Variants in ARHGAP32 observed in about 807,000 individuals in gnomAD.
The protein encoded by ARHGAP32 is Rho GTPase activating protein 32, also known as rho GTPase-activating protein 32.
A neutral mutation model predicts 186.5 loss-of-function variants in ARHGAP32; 51 were observed. That is an observed-to-expected ratio of 0.27 (90% CI 0.22 to 0.35). The LOEUF (loss-of-function observed/expected upper bound fraction) is 0.35. ARHGAP32 is among the 10% of genes least tolerant of loss of function. ARHGAP32 has a pLI of 1.00. For synonymous variants in ARHGAP32, 950 were observed against 964.3 expected (o/e 0.99, Z 0.27); for missense variants, 2,186 against 2,623.5 (o/e 0.83, Z 3.64).
chr11:129,220,140 A>AGAT (rs1944693904), intron 1 of ARHGAP32, among the ~76,000 whole-genome samples: 1 of 152,182 alleles, frequency 6.6e-6, no homozygotes, highest in Non-Finnish European at 1.5e-5. Flanking sequence ...CTATATCTGA[A>AGAT]ACATTCTCCA....
chr11:129,271,235 T>C (rs1194225911), intron 1 of ARHGAP32, among the ~76,000 whole-genome samples: 2 of 152,140 alleles, frequency 1.3e-5, no homozygotes, highest in East Asian at 3.8e-4. Flanking sequence ...TGCTGGCAGT[T>C]TGCCAGACGA....
chr11:129,103,852 C>G (rs1037328178), intron 5 of ARHGAP32, among the ~76,000 whole-genome samples: 2 of 152,046 alleles, frequency 1.3e-5, no homozygotes, highest in Admixed American at 1.3e-4. Context: ...CTGAAAGAAT[C>G]TGTCTCCAGT....
intron 1 of ARHGAP32, among the ~76,000 whole-genome samples, chr11:129,268,372 GA>G (rs1945432816): frequency 6.6e-6 from 1 of 152,004 alleles, no homozygotes; most frequent in African/African-American, 2.4e-5. Context: ...CTAACAATAA[GA>G]ACTCTTTTTA....
At chr11:129,261,850 T>C (rs1285481505) in intron 1 of ARHGAP32, among the ~76,000 whole-genome samples, 1 of 152,154 alleles carries the variant, frequency 6.6e-6, no homozygotes, top group East Asian at 1.9e-4. Flanking sequence ...CATATTAGAA[T>C]CTTATTTGGC....
chr11:129,026,783 G>A (rs1250721307), intron 11 of ARHGAP32, among the ~76,000 whole-genome samples: 4 of 124,470 alleles, frequency 3.2e-5, no homozygotes, highest in African/African-American at 6.4e-5. Context: ...CTGGGCAACA[G>A]AGTGAGACTC....
In ARHGAP32 at chr11:128,965,844, A is replaced by G. The variant is rs1318367576; in HGVS notation, c.*3063T>C. 4 of 152,190 alleles carry G rather than the reference A, an allele frequency of 2.6e-5. No homozygotes were observed. The East Asian group carries it at 7.7e-4, about 29-fold the overall frequency. The allele number at this position is 152,190 out of a possible 1,614,324, so 9.4% of individuals were successfully genotyped here. A position where few individuals can be genotyped will look rare whatever the true frequency, so the allele number is the denominator to read the frequency against. Reference sequence around the variant, plus strand: ...TCGTTTGCATCTATTACTGCTCCAAATGTGGTAACCTACTCCTCCGTCCCC... The same window carrying G: ...TCGTTTGCATCTATTACTGCTCCAAGTGTGGTAACCTACTCCTCCGTCCCC... On this transcript the variant is annotated 3_prime_UTR_variant, in exon 23 of 23. Coordinates refer to ENST00000682385, the MANE Select transcript of ARHGAP32 (RefSeq NM_001378024.1).
At chr11:129,028,319 C>G (rs930963670) in intron 11 of ARHGAP32, among the ~76,000 whole-genome samples, 1 of 152,040 alleles carries the variant, frequency 6.6e-6, no homozygotes, top group African/African-American at 2.4e-5. Flanking sequence ...GTAAGTCAGT[C>G]ACAAGCGAGG....
At chr11:129,038,853 C>A (rs1354338576) in intron 11 of ARHGAP32, among the ~76,000 whole-genome samples, 1 of 134,504 alleles carries the variant, frequency 7.4e-6, no homozygotes, top group Non-Finnish European at 1.5e-5. Flanking sequence ...CAACACTGCA[C>A]TGCAGCCTGT....
At chr11:129,070,313 TCTCA>T (rs1050410373) in intron 6 of ARHGAP32, among the ~76,000 whole-genome samples, 2 of 152,078 alleles carry the variant, frequency 1.3e-5, no homozygotes, top group African/African-American at 2.4e-5. Flanking sequence ...TTGGTATTTT[TCTCA>T]CTGTTAAAGC....
chr11:129,220,065 T>G (rs763856184), intron 1 of ARHGAP32, among the ~76,000 whole-genome samples: 4 of 152,176 alleles, frequency 2.6e-5, no homozygotes, highest in Non-Finnish European at 4.4e-5. Context: ...CTATAGCACT[T>G]GCATAAATTA....
chr11:129,061,721 T>C (rs1235959555), intron 10 of ARHGAP32, among the ~76,000 whole-genome samples: 3 of 152,146 alleles, frequency 2.0e-5, no homozygotes, highest in Non-Finnish European at 2.9e-5. Context: ...AGTTTAAAAT[T>C]TATGAATTAT....
At chr11:129,061,209 T>C (rs1328305038) in intron 10 of ARHGAP32, among the ~76,000 whole-genome samples, 2 of 152,204 alleles carry the variant, frequency 1.3e-5, no homozygotes, top group Non-Finnish European at 2.9e-5. Flanking sequence ...CTTGTATAAG[T>C]AGACCACAAA....
chr11:129,080,660 C>G (rs1941191716), intron 6 of ARHGAP32, among the ~76,000 whole-genome samples: 2 of 151,724 alleles, frequency 1.3e-5, no homozygotes, highest in Non-Finnish European at 2.9e-5. Flanking sequence ...TCTGAAAGAG[C>G]ACAAATAGAT....
At chr11:129,098,702 A>T (rs1387305251) in intron 5 of ARHGAP32, among the ~76,000 whole-genome samples, 1 of 152,104 alleles carries the variant, frequency 6.6e-6, no homozygotes, top group Non-Finnish European at 1.5e-5. Context: ...CATTATTTTA[A>T]CTTTGGTTTT....
In ARHGAP32 at chr11:128,988,453, G is replaced by A. The variant is rs1348756374; in HGVS notation, c.1196-328C>T. Among the ~76,000 whole-genome samples, 6 of 152,142 alleles carry A rather than the reference G, an allele frequency of 3.9e-5. No homozygotes were observed. In the East Asian group the frequency reaches 1.2e-3, roughly 29 times the overall value. On this transcript the variant is annotated intron_variant, in intron 12 of 22. Transcript: ENST00000682385. ...TTACAGTTACACATTACAGCAAAGT[G>A]AACTGTTTAGTCCTAACACCATGCC... is the stretch of plus-strand genomic sequence containing the variant.
intron 12 of ARHGAP32, among the ~76,000 whole-genome samples, chr11:128,988,620 T>G (rs910236575): frequency 6.6e-6 from 1 of 152,222 alleles, no homozygotes; most frequent in Non-Finnish European, 1.5e-5. Context: ...TATATTTTCA[T>G]AGTTAATGCA....
intron 2 of ARHGAP32, among the ~76,000 whole-genome samples, chr11:129,144,721 A>G (rs566889551): frequency 3.3e-5 from 5 of 152,318 alleles, no homozygotes; most frequent in East Asian, 1.9e-4. Flanking sequence ...TCAATTCTCT[A>G]TTTTGAGTGG....
chr11:129,197,736 C>T (rs1329803788), intron 1 of ARHGAP32, among the ~76,000 whole-genome samples: 1 of 152,008 alleles, frequency 6.6e-6, no homozygotes, highest in African/African-American at 2.4e-5. Flanking sequence ...AAATGTCATT[C>T]ATCATTATTC....
At chr11:129,042,148 G>GT (rs1385894967) in intron 10 of ARHGAP32, among the ~76,000 whole-genome samples, 1 of 152,012 alleles carries the variant, frequency 6.6e-6, no homozygotes, top group Admixed American at 6.6e-5. Flanking sequence ...CAGATTATCA[G>GT]TTTTTTTGTT....
Sources: gnomAD v4.1 joint callset for allele counts (sites outside exome capture counted in the v4.1 genomes callset) on GRCh38, gnomAD v4.1.1 for gene constraint, MANE v1.5 for transcripts, NCBI Gene and HGNC (gene_info 2026-07-23, HGNC 2026-07-21) for gene names.